The following APBA2 variants were observed in gnomAD, a reference collection of about 807,000 sequenced individuals.
The protein encoded by APBA2 is amyloid beta precursor protein binding family A member 2, also known as amyloid-beta A4 precursor protein-binding family A member 2.
Under a neutral mutation model 75.0 loss-of-function variants are expected in APBA2, and 30 were observed. The ratio of observed to expected loss-of-function variants is 0.40; its 90% CI spans 0.30 to 0.54. APBA2 has a LOEUF of 0.54. Among genes scored for constraint, APBA2 ranks in the 20% least tolerant of loss-of-function variants. The pLI, the probability that APBA2 is intolerant of heterozygous loss-of-function variation, is 0.49. For synonymous variants in APBA2, 444 were observed against 409.6 expected (o/e 1.08, Z -1.01); for missense variants, 801 against 1,016.1 (o/e 0.79, Z 2.88).
At chr15:28,929,488 G>A (rs184314042) in intron 2 of APBA2, among the ~76,000 whole-genome samples, 39 of 152,300 alleles carry the variant, frequency 2.6e-4, no homozygotes, top group African/African-American at 8.7e-4. Flanking sequence ...AGCACTTCCC[G>A]CCTATCACTG....
At chr15:28,907,927 T>C (rs2033215098) in intron 1 of APBA2, among the ~76,000 whole-genome samples, 1 of 152,004 alleles carries the variant, frequency 6.6e-6, no homozygotes, top group South Asian at 2.1e-4. Context: ...TCTTGACATA[T>C]ACAGGGGGAA....
intron 2 of APBA2, among the ~76,000 whole-genome samples, chr15:28,929,015 G>A (rs557744575): frequency 6.6e-6 from 1 of 152,286 alleles, no homozygotes; most frequent in East Asian, 1.9e-4. Context: ...TCAATTCACT[G>A]ATGAGTCCAA....
intron 2 of APBA2, among the ~76,000 whole-genome samples, chr15:28,964,863 A>C (rs935153827): frequency 1.8e-4 from 27 of 152,236 alleles, no homozygotes; most frequent in Admixed American, 5.9e-4. Flanking sequence ...TTCTAGATAC[A>C]AGTCCTTTGT....
Position 28,965,589 on chromosome 15 carries a change from G to A in APBA2, c.-94-30164G>A, listed in dbSNP as rs148344929. On this transcript the variant is annotated intron_variant, in intron 2 of 14. Coordinates refer to ENST00000683413, the MANE Select transcript of APBA2 (RefSeq NM_001353788.2). ...AATCGACCTTTTAACTATGTTGAGC[G>A]TTCCAGTCCATGAGTATGTCTCTTC... Among the ~76,000 whole-genome samples, 11 of 152,250 alleles carry A rather than the reference G, an allele frequency of 7.2e-5. 1 individual carries two copies. Among genetic ancestry groups the A allele is most frequent in the African/African-American group, 1.4e-4 (6 of 41,548 alleles).
At chr15:29,052,089 G>A (rs1001947894) in intron 3 of APBA2, among the ~76,000 whole-genome samples, 1 of 152,000 alleles carries the variant, frequency 6.6e-6, no homozygotes, top group African/African-American at 2.4e-5. Context: ...TATCATGCAA[G>A]CAAAAAGGCA....
At chr15:29,026,021 CT>C (rs1430318471) in intron 3 of APBA2, among the ~76,000 whole-genome samples, 1 of 151,876 alleles carries the variant, frequency 6.6e-6, no homozygotes, top group African/African-American at 2.4e-5. Context: ...TTCCTGCAGT[CT>C]TGTGGCAGTG....
intron 2 of APBA2, among the ~76,000 whole-genome samples, chr15:28,931,623 C>T (rs931760988): frequency 1.3e-5 from 2 of 152,146 alleles, no homozygotes; most frequent in African/African-American, 4.8e-5. Flanking sequence ...TGACTATTTC[C>T]AGAGTCTGTT....
chr15:29,114,635 G>C (rs1430689770), intron 14 of APBA2, among the ~76,000 whole-genome samples: 1 of 151,932 alleles, frequency 6.6e-6, no homozygotes, highest in Non-Finnish European at 1.5e-5. Flanking sequence ...ATGTGTGAGA[G>C]CATGGGTGTG....
Position 28,886,251 on chromosome 15 carries a change from T to C in APBA2, c.-232T>C, listed in dbSNP as rs2152589911. On this transcript the variant is annotated 5_prime_UTR_variant, in exon 1 of 15. Transcript: ENST00000683413. ...CGGCAGCGGGGCGGGGACGGCGGCG[T>C]ACCCGGGCAGCCCAGCGCCCTGGCC... 6.8e-6 allele frequency: 1 copy of C among 146,646 alleles called. No homozygotes were observed. The highest frequency in any genetic ancestry group is 2.2e-4 in the South Asian group (1 of 4,622). The allele number at this position is 146,646 out of a possible 1,614,324, so 9.1% of individuals were successfully genotyped here.
In APBA2 at chr15:28,989,159, A is replaced by G. The variant is rs1295174737; in HGVS notation, c.-94-6594A>G. 8.5e-5 allele frequency among the ~76,000 whole-genome samples: 13 copies of G among 152,114 alleles called. No homozygotes were observed. In the East Asian group the frequency reaches 2.1e-3, roughly 25 times the overall value. ...TTTTTTTCTGTTTTCTTATTGATCA[A>G]TCTGATCCGTTGTTGAGTTTATGTA... On this transcript the variant is annotated intron_variant, in intron 2 of 14. Transcript: ENST00000683413.
At chr15:29,085,446 A>C (rs56300265) in intron 6 of APBA2, among the ~76,000 whole-genome samples, 5,101 of 149,092 alleles carry the variant, frequency 0.034, 194 homozygotes, top group African/African-American at 0.088. Context: ...AATGGCGTGA[A>C]CCCGGGAGGC....
At chr15:28,893,277 T>C (rs1405090637) in intron 1 of APBA2, among the ~76,000 whole-genome samples, 1 of 152,236 alleles carries the variant, frequency 6.6e-6, no homozygotes, top group Admixed American at 6.5e-5. Flanking sequence ...ACTGTTCTGC[T>C]ACAGTAAAGC....
intron 6 of APBA2, among the ~76,000 whole-genome samples, chr15:29,090,705 A>G (rs2043519175): frequency 6.6e-6 from 1 of 152,154 alleles, no homozygotes; most frequent in African/African-American, 2.4e-5. Flanking sequence ...AAGTGACGCC[A>G]TCTAGTGGTC....
chr15:29,112,380 G>A (rs2044781799), intron 13 of APBA2, among the ~76,000 whole-genome samples: 1 of 152,224 alleles, frequency 6.6e-6, no homozygotes, highest in Non-Finnish European at 1.5e-5. Flanking sequence ...GATGAGATAT[G>A]GGCCAGCTGC....
intron 3 of APBA2, among the ~76,000 whole-genome samples, chr15:29,035,957 G>T (rs931175888): frequency 7.9e-5 from 12 of 152,178 alleles, no homozygotes; most frequent in African/African-American, 2.9e-4. Flanking sequence ...CCCCCTACCT[G>T]GGGAAGCTTT....
chr15:28,907,354 G>T (rs762273296), intron 1 of APBA2, among the ~76,000 whole-genome samples: 13 of 152,126 alleles, frequency 8.5e-5, no homozygotes, highest in Admixed American at 7.9e-4. Context: ...TTCTTGTGCC[G>T]ATATCTACCG....
intron 3 of APBA2, among the ~76,000 whole-genome samples, chr15:29,034,907 G>A (rs1357739912): frequency 6.6e-6 from 1 of 152,214 alleles, no homozygotes; most frequent in Non-Finnish European, 1.5e-5. Flanking sequence ...AGACTCTGTG[G>A]TGGGTGTTTG....
rs1161611215 is a variant in APBA2 at position 28,987,755 on chromosome 15, CTT to C, written c.-94-7983_-94-7982del. Among the ~76,000 whole-genome samples the C allele has an allele frequency of 1.3e-3, 123 of 92,818 alleles. 2 individuals are homozygous for C. The highest frequency in any genetic ancestry group is 6.0e-3 in the African/African-American group (110 of 18,364). The allele number at this position is 92,818 out of a possible 152,430, so 60.9% of individuals were successfully genotyped here. A position where few individuals can be genotyped will look rare whatever the true frequency, so the allele number is the denominator to read the frequency against. On this transcript the variant is annotated intron_variant, in intron 2 of 14. Coordinates refer to ENST00000683413, the MANE Select transcript of APBA2 (RefSeq NM_001353788.2). ...ATATATATATATATATATATATATTCTTTTTTTTTTTTTTTTGAGATGGAGTC... is the reference window on the plus strand; with the variant it reads ...ATATATATATATATATATATATATTCTTTTTTTTTTTTTTGAGATGGAGTC...
intron 2 of APBA2, among the ~76,000 whole-genome samples, chr15:28,973,615 TTTTACAC>T (rs2037183608): frequency 6.6e-6 from 1 of 152,170 alleles, no homozygotes; most frequent in Non-Finnish European, 1.5e-5. Context: ...CTGATAGTAT[TTTTACAC>T]TTAAACAAGT....
Sources: allele counts gnomAD v4.1 joint callset (sites outside exome capture counted in the v4.1 genomes callset), GRCh38; gene constraint gnomAD v4.1.1; transcripts MANE v1.5; gene names NCBI Gene and HGNC (gene_info 2026-07-23, HGNC 2026-07-21).